The following TBX1 variants were observed in gnomAD, a reference collection of about 807,000 sequenced individuals.
TBX1 encodes T-box transcription factor 1.
In TBX1, 16 loss-of-function variants were observed where a neutral mutation model predicts 40.8. The ratio of observed to expected loss-of-function variants is 0.39; its 90% CI spans 0.27 to 0.60. The LOEUF (loss-of-function observed/expected upper bound fraction) is 0.60, where lower values mean the gene tolerates loss of function less well. TBX1 is among the 20% of genes least tolerant of loss of function. The pLI, the probability that TBX1 is intolerant of heterozygous loss-of-function variation, is 0.51. For missense variants in TBX1, 755 were observed against 728.5 expected, an observed-to-expected ratio of 1.04 and a Z score of -0.42; for synonymous variants, 403 against 336.8, an observed-to-expected ratio of 1.20 and a Z score of -2.15.
At chr22:19,759,459 G>C, upstream of TBX1, 1 of 1,424,208 alleles carries the variant, frequency 7.0e-7, no homozygotes, top group East Asian at 2.7e-5. Context: ...GGCACACGCA[G>C]TCGGAGGCGG....
intron 2 of TBX1, chr22:19,763,770 C>G (rs924473346): frequency 2.3e-5 from 9 of 397,560 alleles, no homozygotes; most frequent in Admixed American, 1.2e-4. Context: ...CTCAGCTGCC[C>G]GGACAATTAA....
downstream of TBX1, among the ~76,000 whole-genome samples, chr22:19,781,865 A>T (rs953575193): frequency 6.6e-6 from 1 of 152,226 alleles, no homozygotes; most frequent in African/African-American, 2.4e-5. Flanking sequence ...GCATGTACCT[A>T]TAGTCCCAGC....
At chr22:19,760,514 C>T (rs1378892174), upstream of TBX1, among the ~76,000 whole-genome samples, 1 of 145,072 alleles carries the variant, frequency 6.9e-6, no homozygotes, top group Non-Finnish European at 1.5e-5. Flanking sequence ...GGCGGCAGAG[C>T]GAGGGCCGGC....
In TBX1 at chr22:19,760,939, C is replaced by T. The variant is rs931429492; in HGVS notation, c.96C>T (p.Ala32=). The change falls in exon 1 of 7, where the codon GCC becomes GCT. Residue 32 remains alanine (A), a synonymous_variant. Coordinates refer to ENST00000649276, the MANE Select transcript of TBX1 (RefSeq NM_001379200.1). The stretch of plus-strand genomic sequence containing the variant: ...CCAGCAGCCTGAGCAGCCTGGGGGC[C>T]GCGGGGGGCTTCCCGGGCGCCGCGT... ...FTASSLSSLG[A]AGGFPGAASP... is the part of the protein sequence containing the mutation. The T allele has an allele frequency of 4.0e-5, 41 of 1,012,910 alleles. No individual in the cohort carries two copies. Among genetic ancestry groups the T allele is most frequent in the Middle Eastern group, 4.9e-4 (1 of 2,058 alleles). 62.7% of individuals were successfully genotyped at this position (1,012,910 alleles called of 1,614,324 possible). A position where few individuals can be genotyped will look rare whatever the true frequency, so the allele number is the denominator to read the frequency against.
At chr22:19,771,360 C>G (rs1341371592), downstream of TBX1, among the ~76,000 whole-genome samples, 2 of 152,200 alleles carry the variant, frequency 1.3e-5, no homozygotes, top group Non-Finnish European at 2.9e-5. Context: ...GCTTGTTGTA[C>G]TACTTCAAAC....
intron 6 of TBX1, 34 bp from the exon 7 acceptor site, chr22:19,766,355 G>A: frequency 8.0e-7 from 1 of 1,254,150 alleles, no homozygotes; most frequent in Non-Finnish European, 1.0e-6. Flanking sequence ...GGCGGCCCCG[G>A]CCGGCCGCGC....
chr22:19,778,108 AAG>A (rs1446564907), intron 8 of TBX1, among the ~76,000 whole-genome samples: 1 of 150,804 alleles, frequency 6.6e-6, no homozygotes, highest in African/African-American at 2.4e-5. Context: ...TGCTCATTTC[AAG>A]AGACAGGATC....
rs763843987 is a variant in TBX1, at chr22:19,765,793, G to A, written c.903G>A (p.Ala301=). The change falls in exon 5 of 7, where the codon GCG becomes GCA. Residue 301 remains alanine, a synonymous_variant. Transcript: ENST00000649276. ...TCAAGATTGCCAGCAATCCCTTCGC[G>A]AAAGGCTTCCGGGACTGTGACCCTG... ...TQLKIASNPF[A]KGFRDCDPED... is the part of the protein sequence containing the mutation. 3 of 1,611,426 alleles carry A rather than the reference G, an allele frequency of 1.9e-6. No homozygotes were observed. The highest frequency in any genetic ancestry group is 2.5e-6 in the Non-Finnish European group (3 of 1,179,116).
At chr22:19,760,324 A>G, upstream of TBX1, among the ~76,000 whole-genome samples, 1 of 151,064 alleles carries the variant, frequency 6.6e-6, no homozygotes, top group South Asian at 2.1e-4. Flanking sequence ...GTGAAAAGGA[A>G]GGCGAGGATG....
At chr22:19,761,372 G>A in intron 1 of TBX1, 92 bp downstream of exon 1, 1 of 1,327,498 alleles carries the variant, frequency 7.5e-7, no homozygotes, top group African/African-American at 1.5e-5. Flanking sequence ...GGGGCCGAAA[G>A]CCGGGTCGGG....
At chr22:19,780,552 TGCTGTGAGTA>T (rs938222679), downstream of TBX1, among the ~76,000 whole-genome samples, 6 of 152,234 alleles carry the variant, frequency 3.9e-5, no homozygotes, top group African/African-American at 1.4e-4. Flanking sequence ...ACCTGTTGGC[TGCTGTGAGTA>T]ATGCCGCTAT....
At chr22:19,766,143 G>A (rs1936833171) in intron 6 of TBX1, 141 bp downstream of exon 6, 2 of 791,038 alleles carry the variant, frequency 2.5e-6, no homozygotes, top group Non-Finnish European at 3.1e-6. Context: ...CGGCGGGCAA[G>A]CGCGCACTCG....
intron 8 of TBX1, among the ~76,000 whole-genome samples, chr22:19,776,824 T>C (rs1354237016): frequency 6.6e-6 from 1 of 151,776 alleles, no homozygotes; most frequent in Non-Finnish European, 1.5e-5. Flanking sequence ...CCTGGATGAG[T>C]CTTGACTTTA....
chr22:19,761,207 C>T lies in TBX1; in HGVS notation c.364C>T (p.Gln122Ter). ...KNAKVAGVSV[Q>*]LEMKALWDEF... is the part of the protein sequence containing the mutation. ...CGCGAAGGTGGCCGGTGTGAGCGTG[C>T]AGCTAGAGATGAAGGCGCTGTGGGA... is the stretch of plus-strand genomic sequence containing the variant. Residue 122 changes from glutamine to a stop codon, truncating the protein, a stop_gained, in exon 1 of 7, where the codon CAG (glutamine) becomes TAG (stop). Transcript: ENST00000649276. LOFTEE classifies it high-confidence loss of function. The T allele has an allele frequency of 6.4e-7, 1 of 1,564,952 alleles. No homozygotes were observed. The highest frequency in any genetic ancestry group is 1.4e-5 in the African/African-American group (1 of 71,078).
intron 8 of TBX1, among the ~76,000 whole-genome samples, chr22:19,778,719 G>A (rs1471394951): frequency 6.6e-6 from 1 of 152,138 alleles, no homozygotes; most frequent in East Asian, 1.9e-4. Flanking sequence ...GTAGGCATGA[G>A]CCACCGTGTC....
At chr22:19,782,870 T>A, downstream of TBX1, 1 of 1,614,086 alleles carries the variant, frequency 6.2e-7, no homozygotes, top group Non-Finnish European at 8.5e-7. Context: ...TTGACCTTCC[T>A]CCACCCAGTG....
downstream of TBX1, among the ~76,000 whole-genome samples, chr22:19,768,488 C>T (rs1423619709): frequency 6.6e-6 from 1 of 152,202 alleles, no homozygotes; most frequent in Non-Finnish European, 1.5e-5. Flanking sequence ...AGAGTGAGGA[C>T]CTCTGCAGCA....
chr22:19,769,389 G>A (rs1393675962), downstream of TBX1, among the ~76,000 whole-genome samples: 1 of 152,230 alleles, frequency 6.6e-6, no homozygotes, highest in Non-Finnish European at 1.5e-5. Context: ...TCCCACGCTG[G>A]GCAGTGGCCC....
At chr22:19,761,981 G>C (rs1331553156) in intron 1 of TBX1, among the ~76,000 whole-genome samples, 1 of 152,240 alleles carries the variant, frequency 6.6e-6, no homozygotes. Flanking sequence ...AAAGGCGGGT[G>C]CCGCGCTGTG....
Sources: gnomAD v4.1 joint callset for allele counts (sites outside exome capture counted in the v4.1 genomes callset) on GRCh38, gnomAD v4.1.1 for gene constraint, MANE v1.5 for transcripts, NCBI Gene and HGNC (gene_info 2026-07-23, HGNC 2026-07-21) for gene names.